Variants in PPM1B observed in about 807,000 individuals in gnomAD.
PPM1B encodes the protein protein phosphatase 1B.
In PPM1B, 22 loss-of-function variants were observed where a neutral mutation model predicts 43.0. The ratio of observed to expected loss-of-function variants is 0.51; its 90% CI spans 0.37 to 0.73. The LOEUF (loss-of-function observed/expected upper bound fraction) is 0.73. Ranked by LOEUF, PPM1B falls within the 30% of genes least tolerant of loss-of-function variation. PPM1B has a pLI of 0.00. For synonymous variants in PPM1B, 217 were observed against 197.9 expected (o/e 1.10, Z -0.81); for missense variants, 632 against 584.2 (o/e 1.08, Z -0.84).
In PPM1B at chr2:44,169,252, ATCT is replaced by A. The variant is rs1412099532; in HGVS notation, c.-33_-31del. ...CGGGCGCGAGCGAGGCGCCCTAGAC[ATCT>A]TCTCCCTCCCTTGCCTCAGGTAAGG... On this transcript the variant is annotated 5_prime_UTR_variant, in exon 1 of 6. Coordinates refer to ENST00000282412, the MANE Select transcript of PPM1B (RefSeq NM_002706.6). The A allele has an allele frequency of 1.8e-4, 28 of 153,824 alleles. No homozygotes were observed. Among genetic ancestry groups the A allele is most frequent in the Admixed American group, 1.4e-3 (22 of 15,310 alleles). The allele number at this position is 153,824 out of a possible 1,614,324, so 9.5% of individuals were successfully genotyped here. A position where few individuals can be genotyped will look rare whatever the true frequency, so the allele number is the denominator to read the frequency against.
intron 1 of PPM1B, among the ~76,000 whole-genome samples, chr2:44,180,215 C>T (rs1409496637): frequency 2.6e-5 from 4 of 152,068 alleles, no homozygotes; most frequent in Non-Finnish European, 5.9e-5. Flanking sequence ...CTTTGTTTTG[C>T]TTAATCTTGA....
intron 5 of PPM1B, among the ~76,000 whole-genome samples, chr2:44,227,637 G>C (rs1450585937): frequency 1.2e-4 from 18 of 151,272 alleles, no homozygotes; most frequent in Admixed American, 1.2e-3. Flanking sequence ...TCCTGCCTCA[G>C]CCTCCCGAGT....
intron 3 of PPM1B, among the ~76,000 whole-genome samples, chr2:44,211,025 A>C (rs1223778712): frequency 2.0e-5 from 3 of 151,764 alleles, no homozygotes; most frequent in Non-Finnish European, 4.4e-5. Context: ...AATCCCAGCT[A>C]CTCCGGAGGC....
At chr2:44,186,587 C>A (rs1017845432) in intron 1 of PPM1B, among the ~76,000 whole-genome samples, 2 of 152,092 alleles carry the variant, frequency 1.3e-5, no homozygotes, top group African/African-American at 4.8e-5. Context: ...GTTGCCCAGG[C>A]TGGTCTCAAA....
chr2:44,239,946 T>C (rs1341580946), intron 5 of PPM1B, among the ~76,000 whole-genome samples: 1 of 151,382 alleles, frequency 6.6e-6, no homozygotes, highest in African/African-American at 2.4e-5. Context: ...TTTAGATTAC[T>C]ATAGCCTCTT....
chr2:44,178,959 TA>T (rs201459933), intron 1 of PPM1B, among the ~76,000 whole-genome samples: 2,917 of 152,322 alleles, frequency 0.019, 40 homozygotes, highest in Non-Finnish European at 0.033. Flanking sequence ...TGCATTCTTT[TA>T]AAAAATATTA....
chr2:44,215,900 G>T (rs554879888), intron 3 of PPM1B, among the ~76,000 whole-genome samples: 1 of 152,232 alleles, frequency 6.6e-6, no homozygotes, highest in South Asian at 2.1e-4. Context: ...AGCCGTGCTT[G>T]GAGAGAGAAT....
intron 1 of PPM1B, among the ~76,000 whole-genome samples, chr2:44,182,559 C>T (rs1667932221): frequency 6.6e-6 from 1 of 152,176 alleles, no homozygotes; most frequent in Admixed American, 6.5e-5. Flanking sequence ...CAGTGCCTGG[C>T]CAATACTAGT....
chr2:44,206,334 G>A (rs1242526561), intron 2 of PPM1B, among the ~76,000 whole-genome samples: 2 of 152,174 alleles, frequency 1.3e-5, no homozygotes, highest in East Asian at 3.8e-4. Context: ...CTTTTCTGTT[G>A]CTGTATAACA....
intron 1 of PPM1B, among the ~76,000 whole-genome samples, chr2:44,170,326 C>T (rs1299809087): frequency 1.3e-5 from 2 of 152,176 alleles, no homozygotes; most frequent in African/African-American, 4.8e-5. Context: ...AAAATAGGCT[C>T]CACATGTTTA....
chr2:44,234,588 C>T (rs1428552393), downstream of PPM1B: 2 of 981,126 alleles, frequency 2.0e-6, no homozygotes, highest in Non-Finnish European at 1.2e-6. Context: ...GTGCTTGAAA[C>T]AGAAATAATG....
At chr2:44,212,858 A>G (rs1415949149) in intron 3 of PPM1B, among the ~76,000 whole-genome samples, 2 of 151,900 alleles carry the variant, frequency 1.3e-5, no homozygotes, top group African/African-American at 2.4e-5. Flanking sequence ...AAAATACAAA[A>G]AGAAATTAGC....
chr2:44,177,982 A>T (rs1163030989), intron 1 of PPM1B, among the ~76,000 whole-genome samples: 2 of 149,436 alleles, frequency 1.3e-5, no homozygotes, highest in Non-Finnish European at 3.0e-5. Context: ...CAGTGGCTCA[A>T]TCTTGGCTCA....
chr2:44,196,546 GA>G, intron 1 of PPM1B, among the ~76,000 whole-genome samples: 1 of 152,262 alleles, frequency 6.6e-6, no homozygotes, highest in South Asian at 2.1e-4. Context: ...TTTTTGAAAA[GA>G]AAATAACTGC....
In PPM1B at chr2:44,168,982, GTC is replaced by G. The variant is rs1667173109; in HGVS notation, c.-303_-302del. The stretch of plus-strand genomic sequence containing the variant: ...GGAGTTTCCTGCCGGCGCGGCTGGA[GTC>G]TCTGATTCTCAGGGTTCGGTGGTTG... On this transcript the variant is annotated 5_prime_UTR_variant, in exon 1 of 6. Transcript: ENST00000282412. 1 of 154,860 alleles carries G rather than the reference GTC, an allele frequency of 6.5e-6. No individual in the cohort carries two copies. Among genetic ancestry groups the G allele is most frequent in the Non-Finnish European group, 1.5e-5 (1 of 68,764 alleles). The allele number at this position is 154,860 out of a possible 1,614,324, so 9.6% of individuals were successfully genotyped here.
At chr2:44,197,465 T>G (rs906939300) in intron 1 of PPM1B, among the ~76,000 whole-genome samples, 1 of 152,002 alleles carries the variant, frequency 6.6e-6, no homozygotes, top group Non-Finnish European at 1.5e-5. Context: ...TATCAAAAAC[T>G]AAAAAAAACT....
At chr2:44,204,445 C>T (rs1333124783) in intron 2 of PPM1B, among the ~76,000 whole-genome samples, 1 of 152,090 alleles carries the variant, frequency 6.6e-6, no homozygotes, top group African/African-American at 2.4e-5. Flanking sequence ...TTTTTTCTAA[C>T]ACCTCCATCA....
chr2:44,230,975 G>GA lies in PPM1B; in HGVS notation c.*259dup. The GA allele has an allele frequency of 9.3e-7, 1 of 1,072,600 alleles. No homozygotes were observed. Among genetic ancestry groups the GA allele is most frequent in the Non-Finnish European group, 1.1e-6 (1 of 869,626 alleles). The allele number at this position is 1,072,600 out of a possible 1,614,324, so 66.4% of individuals were successfully genotyped here. ...TGCCAGAAATTAGGCTACCAATTAT[G>GA]AATTAAAGTCAGTAGTTAAATTAAT... On this transcript the variant is annotated 3_prime_UTR_variant, in exon 6 of 6. Transcript: ENST00000282412.
At chr2:44,227,283 T>G (rs1408768686) in intron 5 of PPM1B, among the ~76,000 whole-genome samples, 1 of 152,092 alleles carries the variant, frequency 6.6e-6, no homozygotes, top group Non-Finnish European at 1.5e-5. Context: ...ATGAGAAACT[T>G]TATTTAGGGA....
Sources: allele counts gnomAD v4.1 joint callset (sites outside exome capture counted in the v4.1 genomes callset), GRCh38; gene constraint gnomAD v4.1.1; transcripts MANE v1.5; gene names NCBI Gene and HGNC (gene_info 2026-07-23, HGNC 2026-07-21).